DUSP16: variants seen among roughly 807,000 people sequenced by gnomAD.
DUSP16 encodes the protein dual specificity phosphatase 16.
A neutral mutation model predicts 58.3 loss-of-function variants in DUSP16; 21 were observed. The ratio of observed to expected loss-of-function variants is 0.36; its 90% CI spans 0.26 to 0.52. The LOEUF (loss-of-function observed/expected upper bound fraction) is 0.52. DUSP16 is among the 20% of genes least tolerant of loss of function. DUSP16 has a pLI of 0.94. For missense variants in DUSP16, 726 were observed against 819.0 expected, an observed-to-expected ratio of 0.89 and a Z score of 1.39; for synonymous variants, 320 against 323.8, an observed-to-expected ratio of 0.99 and a Z score of 0.12.
At chr12:12,517,787 C>G (rs770580984) in intron 3 of DUSP16, among the ~76,000 whole-genome samples, 36 of 152,218 alleles carry the variant, frequency 2.4e-4, no homozygotes, top group Non-Finnish European at 5.0e-4. Context: ...TATGGTGCTA[C>G]TAATACATTT....
At chr12:12,511,551 T>A (rs561099666) in intron 3 of DUSP16, among the ~76,000 whole-genome samples, 4 of 152,056 alleles carry the variant, frequency 2.6e-5, no homozygotes, top group Non-Finnish European at 5.9e-5. Flanking sequence ...CAAATCTTAC[T>A]CCTCATCTTT....
chr12:12,478,068 TA>T, intron 6 of DUSP16, 53 bp from the exon 7 acceptor site: 1 of 1,357,804 alleles, frequency 7.4e-7, no homozygotes, highest in Non-Finnish European at 1.0e-6. Flanking sequence ...CACTTTATCT[TA>T]AGAATATTAA....
At chr12:12,544,829 T>A (rs1555169345) in intron 1 of DUSP16, among the ~76,000 whole-genome samples, 1 of 152,142 alleles carries the variant, frequency 6.6e-6, no homozygotes, top group Non-Finnish European at 1.5e-5. Flanking sequence ...CCAAAATTAG[T>A]TTTCTTTTTC....
intron 1 of DUSP16, among the ~76,000 whole-genome samples, chr12:12,541,393 A>G (rs1276130838): frequency 6.6e-6 from 1 of 152,242 alleles, no homozygotes. Context: ...AAAGAGGTAC[A>G]GGCCTTGACA....
intron 1 of DUSP16, among the ~76,000 whole-genome samples, chr12:12,539,039 A>G (rs964474128): frequency 6.6e-6 from 1 of 152,188 alleles, no homozygotes; most frequent in Non-Finnish European, 1.5e-5. Flanking sequence ...ATGATAAATC[A>G]GAATCTCTGA....
intron 5 of DUSP16, 114 bp downstream of exon 5, chr12:12,486,914 T>A (rs1319127901): frequency 7.7e-7 from 1 of 1,298,868 alleles, no homozygotes; most frequent in Non-Finnish European, 1.1e-6. Flanking sequence ...TTCAGACTTT[T>A]GAAATCTCTG....
chr12:12,515,428 A>G (rs1180860113), intron 3 of DUSP16, among the ~76,000 whole-genome samples: 1 of 151,776 alleles, frequency 6.6e-6, no homozygotes, highest in African/African-American at 2.4e-5. Context: ...CCTGGATTCA[A>G]GCAATTCTCC....
chr12:12,477,804 C>A lies in DUSP16; in HGVS notation c.1027G>T (p.Asp343Tyr). Residue 343 changes from aspartate (D) to tyrosine (Y), a missense_variant, in exon 7 of 7, where the codon GAC (aspartate) becomes TAC (tyrosine). Physicochemically the swap from Asp to Tyr is radical, Grantham distance 160 (BLOSUM62 -3). Coordinates refer to ENST00000298573, the MANE Select transcript of DUSP16 (RefSeq NM_030640.3). This position sits in a 1 kb window ranked among gnomAD's most constrained non-coding sequence, Gnocchi z 4.1. ...SETPLSPPCA[D>Y]SATSEAAGQR... ...CCTGCTGCCTCTGAGGTAGCAGAGTCGGCACAGGGTGGACTGAGGGGCGTC... is the reference window on the plus strand; with the variant it reads ...CCTGCTGCCTCTGAGGTAGCAGAGTAGGCACAGGGTGGACTGAGGGGCGTC... 1.2e-6 allele frequency: 2 copies of A among 1,613,952 alleles called. No individual in the cohort carries two copies. Among genetic ancestry groups the A allele is most frequent in the Non-Finnish European group, 1.7e-6 (2 of 1,180,002 alleles).
intron 1 of DUSP16, among the ~76,000 whole-genome samples, chr12:12,524,021 C>G (rs1944270048): frequency 6.6e-6 from 1 of 152,170 alleles, no homozygotes; most frequent in Non-Finnish European, 1.5e-5. Context: ...AAGCAGTTAT[C>G]TGGGTTAGCA....
chr12:12,518,798 G>C (rs1346600804), intron 3 of DUSP16, among the ~76,000 whole-genome samples: 2 of 152,136 alleles, frequency 1.3e-5, no homozygotes, highest in Non-Finnish European at 2.9e-5. Context: ...TGAAAGATCA[G>C]ACGGAATCAC....
chr12:12,544,813 C>G (rs1944617243), intron 1 of DUSP16, among the ~76,000 whole-genome samples: 1 of 152,144 alleles, frequency 6.6e-6, no homozygotes, highest in South Asian at 2.1e-4. Context: ...TGATGGCAAG[C>G]AAGGACCAAA....
chr12:12,540,582 A>ATATC, intron 1 of DUSP16, among the ~76,000 whole-genome samples: 1 of 152,238 alleles, frequency 6.6e-6, no homozygotes, highest in Non-Finnish European at 1.5e-5. Flanking sequence ...ATTTCATAAG[A>ATATC]TATCTATAAG....
In DUSP16 at chr12:12,477,775, T is replaced by C; in HGVS notation, c.1056A>G (p.Gln352=). Residue 352 remains glutamine, a synonymous_variant, in exon 7 of 7, where the codon CAA becomes CAG. Transcript: ENST00000298573. This position sits in a 1 kb window ranked among gnomAD's most constrained non-coding sequence, Gnocchi z 4.1. Reference sequence around the variant, plus strand: ...GCACGCTGGCGGGATGCACGGGCCTTTGTCCTGCTGCCTCTGAGGTAGCAG... The same window carrying C: ...GCACGCTGGCGGGATGCACGGGCCTCTGTCCTGCTGCCTCTGAGGTAGCAG... ...ADSATSEAAG[Q]RPVHPASVPS... 1 of 1,613,946 alleles carries C rather than the reference T, an allele frequency of 6.2e-7. No homozygotes were observed. The highest frequency in any genetic ancestry group is 8.5e-7 in the Non-Finnish European group (1 of 1,179,966).
intron 1 of DUSP16, among the ~76,000 whole-genome samples, chr12:12,532,909 T>C (rs1944412254): frequency 6.6e-6 from 1 of 150,394 alleles, no homozygotes; most frequent in Admixed American, 6.6e-5. Flanking sequence ...GATCGCTCCA[T>C]TGCACTCCAG....
intron 1 of DUSP16, among the ~76,000 whole-genome samples, chr12:12,534,389 AG>A (rs1944435849): frequency 6.6e-6 from 1 of 152,250 alleles, no homozygotes; most frequent in South Asian, 2.1e-4. Flanking sequence ...ACAGCACCAC[AG>A]GAAAGCAAGG....
chr12:12,536,757 C>T (rs944962491), intron 1 of DUSP16, among the ~76,000 whole-genome samples: 8 of 148,726 alleles, frequency 5.4e-5, no homozygotes, highest in Non-Finnish European at 7.4e-5. Flanking sequence ...AAAAAAAAAA[C>T]GCCGATGCGG....
At chr12:12,483,419 T>C (rs1227183019) in intron 5 of DUSP16, among the ~76,000 whole-genome samples, 4 of 152,090 alleles carry the variant, frequency 2.6e-5, no homozygotes, top group African/African-American at 9.7e-5. Context: ...TCATTTTACA[T>C]TATCTATTTT....
chr12:12,491,536 A>C (rs1943760815), intron 4 of DUSP16: 1 of 152,222 alleles, frequency 6.6e-6, no homozygotes, highest in South Asian at 2.1e-4. Flanking sequence ...AAACATACAC[A>C]ACTGAATATT....
intron 3 of DUSP16, among the ~76,000 whole-genome samples, chr12:12,508,666 G>T (rs1207812580): frequency 2.0e-5 from 3 of 152,146 alleles, no homozygotes; most frequent in African/African-American, 7.2e-5. Flanking sequence ...CAGGAAGGCT[G>T]ACAAGTAGCC....
Sources: allele counts gnomAD v4.1 joint callset (sites outside exome capture counted in the v4.1 genomes callset), GRCh38; gene constraint gnomAD v4.1.1; non-coding constraint Gnocchi (gnomAD v3.1); transcripts MANE v1.5; gene names NCBI Gene and HGNC (gene_info 2026-07-23, HGNC 2026-07-21).